The following REV1 variants were observed in gnomAD, a reference collection of about 807,000 sequenced individuals.
REV1 encodes REV1 DNA directed polymerase, also known as translesion synthesis protein REV1.
A neutral mutation model predicts 137.4 loss-of-function variants in REV1; 42 were observed. That is an observed-to-expected ratio of 0.31 (90% CI 0.24 to 0.40). The LOEUF (loss-of-function observed/expected upper bound fraction) is 0.40, where lower values mean the gene tolerates loss of function less well. Among genes scored for constraint, REV1 ranks in the 10% least tolerant of loss-of-function variants. The pLI, the probability that REV1 is intolerant of heterozygous loss-of-function variation, is 1.00. For synonymous variants in REV1, 524 were observed against 519.2 expected (o/e 1.01, Z -0.12); for missense variants, 1,282 against 1,490.1 (o/e 0.86, Z 2.30).
chr2:99,402,085 C>T (rs1675537729), intron 22 of REV1, among the ~76,000 whole-genome samples, 159 bp downstream of exon 22: 1 of 152,136 alleles, frequency 6.6e-6, no homozygotes, highest in South Asian at 2.1e-4. Flanking sequence ...ATATTTGGAA[C>T]CTTATTTGCT....
intron 3 of REV1, 74 bp downstream of exon 3, chr2:99,462,422 G>T (rs1166532219): frequency 3.0e-5 from 41 of 1,377,756 alleles, no homozygotes; most frequent in Non-Finnish European, 3.8e-5. Context: ...AGTAAAAATA[G>T]AATTTTAAAA....
rs764155083 is a variant in REV1 at position 99,442,490 on chromosome 2, A to G, written c.351-21T>C. The G allele has an allele frequency of 1.9e-6, 3 of 1,610,628 alleles. No individual in the cohort carries two copies. In the South Asian group the frequency reaches 3.3e-5, roughly 18 times the overall value. On this transcript the variant is annotated intron_variant, in intron 4 of 22. Coordinates refer to ENST00000258428, the MANE Select transcript of REV1 (RefSeq NM_016316.4). ...TGATGCTGAAACAAAAAGCAACACCAATTTAGAGTTCCATACTTGGTGACA... is the reference window on the plus strand; with the variant it reads ...TGATGCTGAAACAAAAAGCAACACCGATTTAGAGTTCCATACTTGGTGACA...
intron 10 of REV1, among the ~76,000 whole-genome samples, chr2:99,423,219 T>C (rs893364473): frequency 6.6e-5 from 10 of 152,222 alleles, no homozygotes; most frequent in African/African-American, 2.4e-4. Context: ...ACTAGCAGCA[T>C]CTAGCAGTCA....
intron 1 of REV1, among the ~76,000 whole-genome samples, chr2:99,479,915 T>C (rs1686426495): frequency 6.6e-6 from 1 of 152,074 alleles, no homozygotes; most frequent in African/African-American, 2.4e-5. Context: ...GAGGTAGATC[T>C]GAACTAAGAA....
At chr2:99,485,500 A>T (rs866507436) in intron 1 of REV1, among the ~76,000 whole-genome samples, 17 of 152,212 alleles carry the variant, frequency 1.1e-4, no homozygotes, top group African/African-American at 3.6e-4. Flanking sequence ...CTCATATTTC[A>T]ACTGGATCTT....
At chr2:99,458,607 A>C (rs1006677748) in intron 3 of REV1, among the ~76,000 whole-genome samples, 8 of 152,210 alleles carry the variant, frequency 5.3e-5, no homozygotes, top group African/African-American at 1.7e-4. Context: ...ACTCATACAC[A>C]AATGTTCATA....
chr2:99,456,707 G>C (rs1320111623), intron 3 of REV1, among the ~76,000 whole-genome samples: 2 of 152,212 alleles, frequency 1.3e-5, no homozygotes, highest in African/African-American at 4.8e-5. Context: ...ATAATGCTAT[G>C]AATTATATAT....
chr2:99,449,254 G>C (rs779977228), intron 4 of REV1, 82 bp downstream of exon 4: 1 of 838,166 alleles, frequency 1.2e-6, no homozygotes, highest in Non-Finnish European at 1.6e-6. Flanking sequence ...GACAAAGCGA[G>C]ACCCTATCTC....
chr2:99,407,657 A>C (rs975945270), intron 15 of REV1, among the ~76,000 whole-genome samples: 4 of 152,272 alleles, frequency 2.6e-5, no homozygotes, highest in Admixed American at 2.6e-4. Flanking sequence ...CTTCTAGGTC[A>C]TCATACAGCA....
chr2:99,490,085 C>T (rs186748703), upstream of REV1: 1 of 144,548 alleles, frequency 6.9e-6, no homozygotes, highest in South Asian at 2.1e-4. Context: ...CGCGCGCTCC[C>T]CGGCCCCGCT....
At chr2:99,428,516 A>T (rs916366152) in intron 9 of REV1, among the ~76,000 whole-genome samples, 1 of 152,256 alleles carries the variant, frequency 6.6e-6, no homozygotes, top group African/African-American at 2.4e-5. Flanking sequence ...TTGGCATGTC[A>T]TGAATGGAAA....
rs182991573 is a variant in REV1 at position 99,417,979 on chromosome 2, T to C, written c.1951+849A>G. Among the ~76,000 whole-genome samples, 349 of 152,310 alleles carry C rather than the reference T, an allele frequency of 2.3e-3. 4 individuals are homozygous for C. The highest frequency in any genetic ancestry group is 8.2e-3 in the African/African-American group (340 of 41,562). ...TCATATTACACATTTCTGACACTAATACATCGTTTTAAGTTATATACTACG... is the reference window on the plus strand; with the variant it reads ...TCATATTACACATTTCTGACACTAACACATCGTTTTAAGTTATATACTACG... On this transcript the variant is annotated intron_variant, in intron 12 of 22. Coordinates refer to ENST00000258428, the MANE Select transcript of REV1 (RefSeq NM_016316.4).
At chr2:99,436,445 T>C (rs1446182532) in intron 6 of REV1, among the ~76,000 whole-genome samples, 4 of 152,210 alleles carry the variant, frequency 2.6e-5, no homozygotes, top group African/African-American at 9.7e-5. Context: ...CATAGCCTAT[T>C]ATTAAATGGT....
chr2:99,429,613 A>C (rs768941770), intron 9 of REV1, among the ~76,000 whole-genome samples: 7 of 151,978 alleles, frequency 4.6e-5, no homozygotes, highest in Non-Finnish European at 8.8e-5. Context: ...TTTGGTTCCT[A>C]CTACATGACC....
chr2:99,455,240 CTTCA>C (rs1420531533), intron 3 of REV1, among the ~76,000 whole-genome samples: 1 of 152,198 alleles, frequency 6.6e-6, no homozygotes, highest in Admixed American at 6.5e-5. Context: ...ATGGCAACAT[CTTCA>C]TTATTTCATT....
chr2:99,453,216 G>A (rs1272004923), intron 3 of REV1, among the ~76,000 whole-genome samples: 1 of 151,876 alleles, frequency 6.6e-6, no homozygotes, highest in African/African-American at 2.4e-5. Flanking sequence ...AAAATTAGCT[G>A]GGCATGGTGG....
chr2:99,453,665 C>T (rs1683176458), intron 3 of REV1, among the ~76,000 whole-genome samples: 1 of 151,848 alleles, frequency 6.6e-6, no homozygotes, highest in Non-Finnish European at 1.5e-5. Context: ...GAGGCCAAGG[C>T]AGGCGGATCA....
At chr2:99,412,182 G>A (rs1677251816) in intron 13 of REV1, among the ~76,000 whole-genome samples, 2 of 144,942 alleles carry the variant, frequency 1.4e-5, no homozygotes, top group East Asian at 2.1e-4. Flanking sequence ...GCAGTGAGCC[G>A]AGACTGCGCC....
At chr2:99,428,605 A>AT (rs1237378773) in intron 9 of REV1, among the ~76,000 whole-genome samples, 1 of 152,158 alleles carries the variant, frequency 6.6e-6, no homozygotes, top group Admixed American at 6.5e-5. Context: ...TAATTAGCAA[A>AT]TTTAAAAAAA....
Sources: gnomAD v4.1 joint callset for allele counts (sites outside exome capture counted in the v4.1 genomes callset) on GRCh38, gnomAD v4.1.1 for gene constraint, MANE v1.5 for transcripts, NCBI Gene and HGNC (gene_info 2026-07-23, HGNC 2026-07-21) for gene names.